Variants in SHROOM3 observed in about 807,000 individuals in gnomAD.
SHROOM3 encodes shroom family member 3, also known as protein Shroom3.
In SHROOM3, 47 loss-of-function variants were observed where a neutral mutation model predicts 138.6. The ratio of observed to expected loss-of-function variants is 0.34; its 90% CI spans 0.27 to 0.43. The LOEUF (loss-of-function observed/expected upper bound fraction) is 0.43. Among genes scored for constraint, SHROOM3 ranks in the 20% least tolerant of loss-of-function variants. The probability of loss-of-function intolerance (pLI) is 1.00; values close to 1 mark genes in which losing one functional copy is unlikely to be tolerated. For missense variants in SHROOM3, 2,491 were observed against 2,596.5 expected (o/e 0.96, Z 0.88); for synonymous variants, 1,062 against 1,063.3 (o/e 1.00, Z 0.02).
intron 2 of SHROOM3, among the ~76,000 whole-genome samples, chr4:76,678,594 A>G (rs1719103968): frequency 1.3e-5 from 2 of 152,224 alleles, no homozygotes; most frequent in African/African-American, 4.8e-5. Flanking sequence ...CTATGAATAA[A>G]ATTGAAAGGC....
intron 2 of SHROOM3, among the ~76,000 whole-genome samples, chr4:76,688,078 C>G (rs554990453): frequency 2.0e-5 from 3 of 152,312 alleles, no homozygotes; most frequent in African/African-American, 7.2e-5. Flanking sequence ...CCCTCTCCCC[C>G]AAACAAGATT....
chr4:76,466,447 G>T (rs28432153), intron 1 of SHROOM3, among the ~76,000 whole-genome samples: 5 of 152,110 alleles, frequency 3.3e-5, no homozygotes, highest in Non-Finnish European at 7.4e-5. Flanking sequence ...AGATAGATTG[G>T]TTGCAGAAAC....
intron 1 of SHROOM3, among the ~76,000 whole-genome samples, chr4:76,449,924 G>A (rs917103533): frequency 6.6e-6 from 1 of 152,166 alleles, no homozygotes; most frequent in African/African-American, 2.4e-5. Context: ...AAAATAGAAG[G>A]TGAGGAAGAT....
At chr4:76,486,213 A>C (rs1245925145) in intron 1 of SHROOM3, among the ~76,000 whole-genome samples, 1 of 152,230 alleles carries the variant, frequency 6.6e-6, no homozygotes. Flanking sequence ...AATTTCAAAA[A>C]CACAGTAAGT....
chr4:76,549,375 C>T (rs1174771361), intron 1 of SHROOM3, among the ~76,000 whole-genome samples: 1 of 145,822 alleles, frequency 6.9e-6, no homozygotes, highest in African/African-American at 2.5e-5. Flanking sequence ...ACTTTCTTTC[C>T]TTTTTTTTTT....
intron 6 of SHROOM3, among the ~76,000 whole-genome samples, chr4:76,750,414 A>G (rs996967774): frequency 2.6e-5 from 4 of 152,170 alleles, no homozygotes; most frequent in Admixed American, 2.6e-4. Context: ...ACACAGAAAC[A>G]AAAAAACAAA....
chr4:76,690,829 T>C (rs1300028026), intron 2 of SHROOM3, among the ~76,000 whole-genome samples: 1 of 152,242 alleles, frequency 6.6e-6, no homozygotes, highest in Non-Finnish European at 1.5e-5. Context: ...CCTAGTCATT[T>C]GAAAACTTTT....
At chr4:76,479,954 C>T (rs1166037803) in intron 1 of SHROOM3, among the ~76,000 whole-genome samples, 1 of 152,208 alleles carries the variant, frequency 6.6e-6, no homozygotes, top group Non-Finnish European at 1.5e-5. Flanking sequence ...ACCAGGCCTA[C>T]CTTACAAGAG....
At chr4:76,707,922 T>G (rs1720105698) in intron 2 of SHROOM3, among the ~76,000 whole-genome samples, 1 of 152,090 alleles carries the variant, frequency 6.6e-6, no homozygotes, top group African/African-American at 2.4e-5. Flanking sequence ...CTAGTTTGTG[T>G]GGTGCATCCA....
intron 1 of SHROOM3, among the ~76,000 whole-genome samples, chr4:76,502,364 T>G (rs1732115485): frequency 6.6e-6 from 1 of 152,178 alleles, no homozygotes; most frequent in African/African-American, 2.4e-5. Flanking sequence ...GTGGAGGTCA[T>G]GGGAATCCGA....
chr4:76,776,904 TGTAA>T (rs1304113346), intron 10 of SHROOM3, among the ~76,000 whole-genome samples: 1 of 152,218 alleles, frequency 6.6e-6, no homozygotes, highest in Non-Finnish European at 1.5e-5. Flanking sequence ...ATCAGTTGGC[TGTAA>T]GTATTTGGCT....
At chr4:76,746,971 C>T (rs1721460120) in intron 5 of SHROOM3, among the ~76,000 whole-genome samples, 1 of 151,960 alleles carries the variant, frequency 6.6e-6, no homozygotes, top group South Asian at 2.1e-4. Context: ...CGCCCGCCAC[C>T]AGGCCCCGGT....
At chr4:76,709,895 G>A (rs1720179917) in intron 2 of SHROOM3, 2 of 418,136 alleles carry the variant, frequency 4.8e-6, no homozygotes, top group African/African-American at 2.0e-5. Context: ...GAAAATCTGG[G>A]TTTTCTGAGA....
intron 2 of SHROOM3, among the ~76,000 whole-genome samples, chr4:76,677,924 T>G (rs1024208049): frequency 2.0e-5 from 3 of 152,190 alleles, no homozygotes; most frequent in Non-Finnish European, 4.4e-5. Context: ...TGCGTGAATC[T>G]GCTTGTGAAA....
intron 9 of SHROOM3, among the ~76,000 whole-genome samples, chr4:76,760,531 C>T (rs1321094396): frequency 6.6e-6 from 1 of 152,160 alleles, no homozygotes; most frequent in Non-Finnish European, 1.5e-5. Flanking sequence ...CCAGGAGAAA[C>T]TTTCTAGGGT....
chr4:76,718,163 T>C (rs546464045), intron 3 of SHROOM3, among the ~76,000 whole-genome samples: 1 of 152,348 alleles, frequency 6.6e-6, no homozygotes, highest in African/African-American at 2.4e-5. Flanking sequence ...GAACTGCTTA[T>C]ATTATCAAAT....
chr4:76,477,761 TCCAGCTGAGGTAC>T, intron 1 of SHROOM3, among the ~76,000 whole-genome samples: 1 of 152,164 alleles, frequency 6.6e-6, no homozygotes, highest in African/African-American at 2.4e-5. Flanking sequence ...TTTCTGCATT[TCCAGCTGAGGTAC>T]CCAGCTCATC....
At chr4:76,485,055 A>G (rs1731699718) in intron 1 of SHROOM3, among the ~76,000 whole-genome samples, 1 of 152,250 alleles carries the variant, frequency 6.6e-6, no homozygotes, top group Admixed American at 6.5e-5. Flanking sequence ...TTCTCATATC[A>G]CATGGGAAAC....
At chr4:76,579,107 G>T (rs1284811822) in intron 2 of SHROOM3, among the ~76,000 whole-genome samples, 4 of 152,194 alleles carry the variant, frequency 2.6e-5, no homozygotes, top group African/African-American at 9.7e-5. Context: ...TTGAGCCCGG[G>T]AGGTCAAGGA....
Sources: gnomAD v4.1 joint callset for allele counts (sites outside exome capture counted in the v4.1 genomes callset) on GRCh38, gnomAD v4.1.1 for gene constraint, MANE v1.5 for transcripts, NCBI Gene and HGNC (gene_info 2026-07-23, HGNC 2026-07-21) for gene names.